The following PTPRD variants were observed in gnomAD, a reference collection of about 807,000 sequenced individuals.
The protein encoded by PTPRD is receptor-type tyrosine-protein phosphatase delta.
PTPRD carries 34 observed loss-of-function variants against 214.5 expected under a neutral mutation model. The observed-to-expected ratio is 0.16, with a 90% confidence interval of 0.12 to 0.21. PTPRD has a LOEUF of 0.21. Among genes scored for constraint, PTPRD ranks in the 10% least tolerant of loss-of-function variants. The pLI is 1.00. For synonymous variants in PTPRD, 1,128 were observed against 845.7 expected (o/e 1.33, Z -5.79); for missense variants, 2,545 against 2,398.7 (o/e 1.06, Z -1.27).
intron 14 of PTPRD, among the ~76,000 whole-genome samples, chr9:8,544,278 T>C (rs2079290006): frequency 6.7e-6 from 1 of 149,402 alleles, no homozygotes; most frequent in Non-Finnish European, 1.5e-5. Flanking sequence ...GCAATTTGCC[T>C]GCCTCAGCCT....
intron 6 of PTPRD, among the ~76,000 whole-genome samples, chr9:9,758,122 A>G (rs2098605988): frequency 6.8e-6 from 1 of 146,524 alleles, no homozygotes; most frequent in Non-Finnish European, 1.5e-5. Context: ...TGAACTGCTC[A>G]GTTCACATCT....
intron 30 of PTPRD, among the ~76,000 whole-genome samples, chr9:8,478,785 A>G (rs954422925): frequency 2.6e-5 from 4 of 152,234 alleles, no homozygotes; most frequent in Admixed American, 1.3e-4. Context: ...AAAAAATACA[A>G]CAACCAAGTA....
chr9:10,178,928 A>C (rs537891061), intron 3 of PTPRD, among the ~76,000 whole-genome samples: 31 of 152,130 alleles, frequency 2.0e-4, no homozygotes, highest in African/African-American at 7.5e-4. Flanking sequence ...ACAAAAAAGT[A>C]ATAAATACAG....
intron 8 of PTPRD, among the ~76,000 whole-genome samples, chr9:9,497,761 A>G (rs557543912): frequency 6.6e-6 from 1 of 152,206 alleles, no homozygotes. Flanking sequence ...AGCCAGCTCA[A>G]TATATTTAAG....
intron 8 of PTPRD, among the ~76,000 whole-genome samples, chr9:9,571,025 A>G (rs2086218831): frequency 6.6e-6 from 1 of 151,392 alleles, no homozygotes; most frequent in Non-Finnish European, 1.5e-5. Context: ...ATTATGAGTT[A>G]CTCTTAAATC....
At chr9:8,670,025 T>A (rs1278011561) in intron 12 of PTPRD, among the ~76,000 whole-genome samples, 1 of 151,940 alleles carries the variant, frequency 6.6e-6, no homozygotes, top group East Asian at 1.9e-4. Context: ...GCCTCTTTTT[T>A]TTTTTTTAAT....
intron 7 of PTPRD, among the ~76,000 whole-genome samples, chr9:9,717,046 A>AGGAAGGGAT (rs1564732751): frequency 1.3e-5 from 2 of 151,682 alleles, no homozygotes; most frequent in African/African-American, 4.8e-5. Context: ...AAGGAAGGGA[A>AGGAAGGGAT]CCAGTTTCAG....
At chr9:8,338,570 TGAA>T in intron 43 of PTPRD, among the ~76,000 whole-genome samples, 1 of 152,164 alleles carries the variant, frequency 6.6e-6, no homozygotes, top group East Asian at 1.9e-4. Context: ...CCTCAAGTAA[TGAA>T]GAAGTCAAAA....
chr9:9,834,062 G>C (rs566173196), intron 5 of PTPRD, among the ~76,000 whole-genome samples: 3 of 152,190 alleles, frequency 2.0e-5, no homozygotes, highest in South Asian at 2.1e-4. Context: ...GAAGTGATAA[G>C]TGTCCATGAA....
chr9:8,417,477 C>T (rs141044430), intron 35 of PTPRD, among the ~76,000 whole-genome samples: 4,162 of 152,286 alleles, frequency 0.027, 99 homozygotes, highest in Non-Finnish European at 0.037. Context: ...CAAGTCTACA[C>T]TAACAGTTTT....
intron 2 of PTPRD, among the ~76,000 whole-genome samples, chr9:10,377,095 C>T (rs2097745613): frequency 1.3e-5 from 2 of 151,756 alleles, no homozygotes; most frequent in African/African-American, 2.4e-5. Flanking sequence ...TTCTACTATC[C>T]ATGGCTGTAA....
intron 12 of PTPRD, among the ~76,000 whole-genome samples, chr9:8,662,060 A>T (rs2097068058): frequency 6.6e-6 from 1 of 152,100 alleles, no homozygotes; most frequent in African/African-American, 2.4e-5. Context: ...GGGACTCCAT[A>T]TGCATACCAC....
At position 8,486,037 on chromosome 9, in the gene PTPRD, G is replaced by A. The variant is rs2135941459; in HGVS notation, c.2780C>T (p.Ser927Leu). ...GACGGAGGTTGAAGTGGTGCCTTCT[G>A]AGTGAAGGTTTTGAGGGAATCCAGT... ...VPTGFPQNLH[S>L]EGTTSTSVQL... is the part of the protein sequence containing the mutation. The change falls in exon 28 of 46, where the codon TCA becomes TTA. Residue 927 changes from serine (S) to leucine (L), a missense_variant. Coordinates refer to ENST00000381196, the MANE Select transcript of PTPRD (RefSeq NM_002839.4). 1 of 1,614,186 alleles carries A rather than the reference G, an allele frequency of 6.2e-7. No homozygotes were observed. The highest frequency in any genetic ancestry group is 8.5e-7 in the Non-Finnish European group (1 of 1,180,028).
chr9:10,236,537 C>A (rs1450360175), intron 3 of PTPRD, among the ~76,000 whole-genome samples: 1 of 151,864 alleles, frequency 6.6e-6, no homozygotes, highest in African/African-American at 2.4e-5. Context: ...CCAGCACATT[C>A]TATTATATTT....
chr9:9,334,139 C>T (rs564284810), intron 9 of PTPRD, among the ~76,000 whole-genome samples: 1 of 152,002 alleles, frequency 6.6e-6, no homozygotes, highest in South Asian at 2.1e-4. Flanking sequence ...ACATAGATCT[C>T]GTCATCAATT....
chr9:8,966,886 T>A (rs992842095), intron 11 of PTPRD, among the ~76,000 whole-genome samples: 2 of 151,490 alleles, frequency 1.3e-5, no homozygotes, highest in African/African-American at 4.9e-5. Flanking sequence ...CCAGAATCTA[T>A]AAGGAACTTA....
chr9:8,560,499 C>T (rs552649370), intron 14 of PTPRD, among the ~76,000 whole-genome samples: 1 of 151,174 alleles, frequency 6.6e-6, no homozygotes, highest in East Asian at 1.9e-4. Flanking sequence ...ATTGTCAAGG[C>T]TCTTTCATAT....
intron 14 of PTPRD, among the ~76,000 whole-genome samples, chr9:8,552,915 T>C (rs540168086): frequency 1.3e-5 from 2 of 152,246 alleles, no homozygotes; most frequent in African/African-American, 4.8e-5. Context: ...TGGAGAACAA[T>C]TGCCTCTGTT....
chr9:9,536,876 G>A (rs2076621134), intron 8 of PTPRD, among the ~76,000 whole-genome samples: 1 of 151,980 alleles, frequency 6.6e-6, no homozygotes, highest in African/African-American at 2.4e-5. Flanking sequence ...AGAAAAGTTT[G>A]GCATATCCTT....
Sources: allele counts gnomAD v4.1 joint callset (sites outside exome capture counted in the v4.1 genomes callset), GRCh38; gene constraint gnomAD v4.1.1; transcripts MANE v1.5; gene names NCBI Gene and HGNC (gene_info 2026-07-23, HGNC 2026-07-21).